Variants in PKHD1L1 observed in about 807,000 individuals in gnomAD.
PKHD1L1 encodes the protein PKHD1 like 1.
PKHD1L1 carries 434 observed loss-of-function variants against 462.9 expected under a neutral mutation model. The observed-to-expected ratio is 0.94, with a 90% CI of 0.87 to 1.02. The LOEUF (loss-of-function observed/expected upper bound fraction) is 1.02. Among genes scored for constraint, PKHD1L1 ranks in the 50% least tolerant of loss-of-function variants. The pLI is 0.00. For missense variants in PKHD1L1, 5,202 were observed against 5,096.1 expected (o/e 1.02, Z -0.63); for synonymous variants, 1,781 against 1,750.0 (o/e 1.02, Z -0.44).
chr8:109,503,802 T>C (rs1451502989), intron 67 of PKHD1L1, among the ~76,000 whole-genome samples: 1 of 152,238 alleles, frequency 6.6e-6, no homozygotes, highest in Non-Finnish European at 1.5e-5. Context: ...ATGGTTTTTC[T>C]ACTGGTCTCA....
chr8:109,382,487 TG>T lies in PKHD1L1; in HGVS notation c.334del (p.Val112LeufsTer37). The T allele has an allele frequency of 6.2e-7, 1 of 1,610,892 alleles. No homozygotes were observed. The highest frequency in any genetic ancestry group is 8.5e-7 in the Non-Finnish European group (1 of 1,178,470). The part of the protein sequence containing the change: ...TRAMPEDSYT[V>X]RVSVDGVPVT... ...GAGCAATGCCGGAAGATTCCTACACTGTTAGAGTCAGTGTGGACGGGGTTCC... is the reference window on the plus strand; with the variant it reads ...GAGCAATGCCGGAAGATTCCTACACTTTAGAGTCAGTGTGGACGGGGTTCC... On this transcript the variant is annotated frameshift_variant, in exon 4 of 78. Transcript: ENST00000378402. LOFTEE classifies it high-confidence loss of function.
chr8:109,490,899 C>A (rs1818790020), intron 60 of PKHD1L1, 73 bp from the exon 61 acceptor site: 2 of 1,322,548 alleles, frequency 1.5e-6, no homozygotes, highest in Non-Finnish European at 2.0e-6. Flanking sequence ...TACTGAAAAT[C>A]ATTTACTTCA....
At chr8:109,383,340 ATATATTT>A (rs1490493203) in intron 4 of PKHD1L1, among the ~76,000 whole-genome samples, 1 of 109,902 alleles carries the variant, frequency 9.1e-6, no homozygotes, top group Non-Finnish European at 1.7e-5. Context: ...TATATATAAT[ATATATTT>A]TATATTATAT....
chr8:109,435,962 T>A (rs1156506842), intron 29 of PKHD1L1, among the ~76,000 whole-genome samples: 1 of 152,214 alleles, frequency 6.6e-6, no homozygotes, highest in Non-Finnish European at 1.5e-5. Flanking sequence ...TTGGCAAGAG[T>A]CTTAATTAAC....
At chr8:109,468,859 G>T (rs755443639) in intron 50 of PKHD1L1, among the ~76,000 whole-genome samples, 1 of 152,140 alleles carries the variant, frequency 6.6e-6, no homozygotes, top group Admixed American at 6.5e-5. Context: ...GGGGCTTTTG[G>T]TCTGTGAATT....
At chr8:109,526,331 T>A in intron 76 of PKHD1L1, among the ~76,000 whole-genome samples, 1 of 152,358 alleles carries the variant, frequency 6.6e-6, no homozygotes, top group Non-Finnish European at 1.5e-5. Flanking sequence ...CTTTCAACTC[T>A]TTTCTTGTTT....
chr8:109,526,267 G>C (rs537720520), intron 76 of PKHD1L1, among the ~76,000 whole-genome samples: 1 of 152,144 alleles, frequency 6.6e-6, no homozygotes, highest in Non-Finnish European at 1.5e-5. Context: ...TGTGAAACAT[G>C]GTAAAAGTTT....
chr8:109,375,550 G>A (rs1487343913), intron 2 of PKHD1L1, among the ~76,000 whole-genome samples: 2 of 152,188 alleles, frequency 1.3e-5, no homozygotes, highest in African/African-American at 4.8e-5. Context: ...GTGAGGAGCT[G>A]TGTTCCTTTG....
chr8:109,519,355 T>C (rs1291222134), intron 73 of PKHD1L1, among the ~76,000 whole-genome samples: 1 of 152,102 alleles, frequency 6.6e-6, no homozygotes, highest in African/African-American at 2.4e-5. Context: ...TCTCTATCCA[T>C]CTGCTCCTTT....
chr8:109,515,064 AG>A (rs1820193910), intron 71 of PKHD1L1, 105 bp from the exon 72 acceptor site: 1 of 883,220 alleles, frequency 1.1e-6, no homozygotes, highest in Non-Finnish European at 1.6e-6. Flanking sequence ...CATAAAACTT[AG>A]TTTTAATAGT....
chr8:109,407,953 T>G, intron 17 of PKHD1L1, 96 bp from the exon 18 acceptor site: 31 of 815,742 alleles, frequency 3.8e-5, no homozygotes, highest in South Asian at 5.9e-5. Flanking sequence ...TTTGGCTACA[T>G]TTGAGTGTCT....
Position 109,477,248 on chromosome 8 carries a change from C to T in PKHD1L1, c.8941C>T (p.Gln2981Ter). 6.2e-7 allele frequency: 1 copy of T among 1,613,198 alleles called. No homozygotes were observed. Among genetic ancestry groups the T allele is most frequent in the Non-Finnish European group, 8.5e-7 (1 of 1,179,522 alleles). ...AGTGTCAGGAAGAAATGACCTTCAT[C>T]AGAGTCAGCTCATTTCTGGGAACCT... ...YLVSGRNDLHQSQLISGNLDP... is the reference protein window; with the variant it reads ...YLVSGRNDLH The change falls in exon 53 of 78, where the codon CAG (glutamine) becomes TAG (stop). Residue 2981 changes from glutamine (Q) to a stop codon, truncating the protein, a stop_gained. Transcript: ENST00000378402. LOFTEE classifies it high-confidence loss of function.
At chr8:109,482,545 G>A (rs1013691261) in intron 56 of PKHD1L1, among the ~76,000 whole-genome samples, 1 of 151,442 alleles carries the variant, frequency 6.6e-6, no homozygotes, top group African/African-American at 2.4e-5. Context: ...CATAAAACAT[G>A]GTCACATTAA....
chr8:109,428,995 A>T (rs975981736), intron 25 of PKHD1L1, among the ~76,000 whole-genome samples: 1 of 152,230 alleles, frequency 6.6e-6, no homozygotes, highest in African/African-American at 2.4e-5. Context: ...ATCAGTTATC[A>T]TATTCAGAAA....
chr8:109,479,756 T>G, intron 54 of PKHD1L1, 117 bp downstream of exon 54: 1 of 853,286 alleles, frequency 1.2e-6, no homozygotes. Flanking sequence ...TGTGGAGAAG[T>G]GGACTCTATT....
Position 109,452,815 on chromosome 8 carries a change from A to AAGGACAG in PKHD1L1, c.6607_6613dup (p.Thr2205ArgfsTer26). 2 of 1,538,132 alleles carry AAGGACAG rather than the reference A, an allele frequency of 1.3e-6. No homozygotes were observed. Among genetic ancestry groups the AAGGACAG allele is most frequent in the African/African-American group, 2.8e-5 (2 of 71,852 alleles). On this transcript the variant is annotated frameshift_variant, in exon 43 of 78. Transcript: ENST00000378402. LOFTEE classifies it high-confidence loss of function. The stretch of plus-strand genomic sequence containing the variant: ...GAAGGATCTCTTGTTGTTATTACAA[A>AAGGACAG]AGGACAGACCATTCTGCTGGATCAA...
chr8:109,497,159 A>T lies in PKHD1L1; in HGVS notation c.10486A>T (p.Ser3496Cys), dbSNP rs1313328619. 1 of 1,613,714 alleles carries T rather than the reference A, an allele frequency of 6.2e-7. No homozygotes were observed. The highest frequency in any genetic ancestry group is 8.5e-7 in the Non-Finnish European group (1 of 1,179,800). Residue 3496 changes from serine to cysteine, a missense_variant, in exon 65 of 78, where the codon AGT (serine) becomes TGT (cysteine). Physicochemically the swap from Ser to Cys is moderately radical, Grantham distance 112. Around this residue, in one of 3 missense-constraint regions of PKHD1L1, gnomAD observed 4,497 missense variants for 4,336.8 expected, o/e 1.04. Transcript: ENST00000378402. ...DYGIYFQTTE[S>C]VHIYNVTLVD... ...GCAAATTCTATTGCAGACCACAGAG[A>T]GTGTGCACATTTATAATGTGACCCT...
chr8:109,405,223 A>T (rs1468847785), intron 16 of PKHD1L1, 93 bp downstream of exon 16: 1 of 789,300 alleles, frequency 1.3e-6, no homozygotes, highest in Non-Finnish European at 1.8e-6. Flanking sequence ...CTGTCTGGAA[A>T]ATATAGTTTT....
intron 36 of PKHD1L1, 79 bp from the exon 37 acceptor site, chr8:109,443,597 T>A (rs1815937050): frequency 1.8e-6 from 2 of 1,115,284 alleles, no homozygotes; most frequent in Non-Finnish European, 2.5e-6. Context: ...ATCATCAAAA[T>A]AAAGAGTAAC....
Sources: gnomAD v4.1 joint callset for allele counts (sites outside exome capture counted in the v4.1 genomes callset) on GRCh38, gnomAD v4.1.1 for gene constraint, gnomAD v4.1.1 regional missense constraint, MANE v1.5 for transcripts, NCBI Gene and HGNC (gene_info 2026-07-23, HGNC 2026-07-21) for gene names.